RUNX1: variants seen among roughly 807,000 people sequenced by gnomAD.
The protein encoded by RUNX1 is RUNX family transcription factor 1.
A neutral mutation model predicts 42.8 loss-of-function variants in RUNX1; 19 were observed. That is an observed-to-expected ratio of 0.44 (90% confidence interval 0.31 to 0.65). RUNX1 has a LOEUF of 0.65. Ranked by LOEUF, RUNX1 falls within the 30% of genes least tolerant of loss-of-function variation. RUNX1 has a pLI of 0.07. For missense variants in RUNX1, 528 were observed against 672.0 expected (o/e 0.79, Z 2.37); for synonymous variants, 271 against 289.4 (o/e 0.94, Z 0.64).
chr21:35,000,718 C>G (rs1569145412), intron 2 of RUNX1, among the ~76,000 whole-genome samples: 1 of 152,184 alleles, frequency 6.6e-6, no homozygotes. Context: ...ACTCTTAATA[C>G]TGGGAAATTC....
intron 2 of RUNX1, among the ~76,000 whole-genome samples, chr21:34,995,721 G>A (rs935941813): frequency 6.6e-6 from 1 of 152,172 alleles, no homozygotes; most frequent in Non-Finnish European, 1.5e-5. Flanking sequence ...GATTATAGGC[G>A]TGAACCACCA....
At chr21:35,016,755 G>T (rs1029739048) in intron 2 of RUNX1, among the ~76,000 whole-genome samples, 2 of 152,148 alleles carry the variant, frequency 1.3e-5, no homozygotes, top group African/African-American at 4.8e-5. Flanking sequence ...CTTAGCACTT[G>T]CCCCAGGCCC....
At chr21:34,974,480 G>A (rs867538387) in intron 2 of RUNX1, among the ~76,000 whole-genome samples, 1 of 151,856 alleles carries the variant, frequency 6.6e-6, no homozygotes, top group Non-Finnish European at 1.5e-5. Context: ...TTGACTTGAA[G>A]CCGGAGAGAG....
At chr21:34,997,736 A>G (rs1368651858) in intron 2 of RUNX1, among the ~76,000 whole-genome samples, 1 of 152,106 alleles carries the variant, frequency 6.6e-6, no homozygotes, top group Non-Finnish European at 1.5e-5. Context: ...CTGATATTCA[A>G]CCCCACTTCC....
chr21:34,821,309 T>G (rs1032598967), intron 7 of RUNX1: 2 of 1,118,388 alleles, frequency 1.8e-6, no homozygotes, highest in Non-Finnish European at 2.2e-6. Context: ...GACCATTTAT[T>G]AAGTATTGAA....
chr21:35,016,478 A>T (rs1158132210), intron 2 of RUNX1, among the ~76,000 whole-genome samples: 1 of 152,222 alleles, frequency 6.6e-6, no homozygotes, highest in Non-Finnish European at 1.5e-5. Flanking sequence ...CAGCTGCAGA[A>T]GTAATTGGAG....
Position 34,928,658 on chromosome 21 carries a change from C to T in RUNX1, c.59-35695G>A, listed in dbSNP as rs539779271. On this transcript the variant is annotated intron_variant, in intron 2 of 8. Coordinates refer to ENST00000675419, the MANE Select transcript of RUNX1 (RefSeq NM_001754.5). ...TCGCGCCACTGCACTCCAGCCTGGG[C>T]GACAGAGTGCGACTCCATCTTAAAA... Among the ~76,000 whole-genome samples, 159 of 147,802 alleles carry T rather than the reference C, an allele frequency of 1.1e-3. No individual in the cohort carries two copies. In the Middle Eastern group the frequency reaches 0.021, roughly 19 times the overall value.
chr21:34,881,546 T>C (rs1164654498), intron 4 of RUNX1, among the ~76,000 whole-genome samples: 2 of 152,162 alleles, frequency 1.3e-5, no homozygotes, highest in East Asian at 1.9e-4. Context: ...AGGGGTGGAA[T>C]TGGGTTGCAT....
Position 34,791,335 on chromosome 21 carries a change from ATCAACACATAAATG to A in RUNX1, c.*786_*799del, listed in dbSNP as rs1000582539. 1 of 231,838 alleles carries A rather than the reference ATCAACACATAAATG, an allele frequency of 4.3e-6. No individual in the cohort carries two copies. Among genetic ancestry groups the A allele is most frequent in the African/African-American group, 2.2e-5 (1 of 45,268 alleles). 14.4% of individuals were successfully genotyped at this position (231,838 alleles called of 1,614,324 possible). ...AGTACATTTAAATAATTAAAAAATT[ATCAACACATAAATG>A]TCTGAACATCAAGATACATAAATAT... On this transcript the variant is annotated 3_prime_UTR_variant, in exon 9 of 9. Coordinates refer to ENST00000675419, the MANE Select transcript of RUNX1 (RefSeq NM_001754.5).
chr21:35,002,387 TTTATTTA>T (rs1569146160), intron 2 of RUNX1, among the ~76,000 whole-genome samples: 1 of 13,824 alleles, frequency 7.2e-5, no homozygotes, highest in African/African-American at 4.5e-4. Context: ...GCACATTTTA[TTTATTTA>T]TTTATTTATT....
At chr21:34,922,420 G>A (rs1048748332) in intron 2 of RUNX1, among the ~76,000 whole-genome samples, 1 of 152,178 alleles carries the variant, frequency 6.6e-6, no homozygotes, top group Admixed American at 6.5e-5. Flanking sequence ...TCAAAGACAA[G>A]GAATTAAGGT....
chr21:34,955,167 T>C (rs1387669066), intron 2 of RUNX1, among the ~76,000 whole-genome samples: 1 of 152,072 alleles, frequency 6.6e-6, no homozygotes. Flanking sequence ...ACTATTACAC[T>C]GCAAATCACT....
chr21:34,880,802 A>C, intron 4 of RUNX1, 89 bp from the exon 5 acceptor site: 2 of 1,307,398 alleles, frequency 1.5e-6, no homozygotes, highest in East Asian at 2.4e-5. Context: ...TCTAAAATTA[A>C]ATGTATATTC....
At chr21:35,047,143 A>C (rs2059401721) in intron 2 of RUNX1, among the ~76,000 whole-genome samples, 1 of 152,146 alleles carries the variant, frequency 6.6e-6, no homozygotes, top group Non-Finnish European at 1.5e-5. Context: ...AATTTCCTGA[A>C]TCTGCCTTCC....
At chr21:34,882,438 C>T (rs1490486729) in intron 4 of RUNX1, among the ~76,000 whole-genome samples, 1 of 152,216 alleles carries the variant, frequency 6.6e-6, no homozygotes, top group Non-Finnish European at 1.5e-5. Context: ...CCAACTTGCA[C>T]TGCCAAACAA....
chr21:34,889,802 G>T, intron 3 of RUNX1: 1 of 1,129,904 alleles, frequency 8.9e-7, no homozygotes, highest in South Asian at 2.5e-5. Flanking sequence ...ACCCCGCCCG[G>T]CGGGGCTCCC....
intron 2 of RUNX1, among the ~76,000 whole-genome samples, chr21:35,008,565 G>T (rs1347422318): frequency 2.6e-5 from 4 of 152,206 alleles, no homozygotes; most frequent in Admixed American, 6.5e-5. Context: ...GAGAAAAAGG[G>T]AAAAGTTAGG....
intron 2 of RUNX1, among the ~76,000 whole-genome samples, chr21:34,962,118 C>G (rs927484936): frequency 6.6e-6 from 1 of 152,162 alleles, no homozygotes; most frequent in Non-Finnish European, 1.5e-5. Context: ...GTTTCAAACT[C>G]CTGGGCTTAA....
intron 2 of RUNX1, among the ~76,000 whole-genome samples, chr21:34,998,688 C>CA (rs757336225): frequency 5.3e-5 from 8 of 152,200 alleles, no homozygotes; most frequent in South Asian, 4.1e-4. Context: ...ACTACAGGCA[C>CA]CCGCCACCAT....
Sources: gnomAD v4.1 joint callset for allele counts (sites outside exome capture counted in the v4.1 genomes callset) on GRCh38, gnomAD v4.1.1 for gene constraint, MANE v1.5 for transcripts, NCBI Gene and HGNC (gene_info 2026-07-23, HGNC 2026-07-21) for gene names.